Variants in RASA3 observed in about 807,000 individuals in gnomAD.
RASA3 encodes RAS p21 protein activator 3.
RASA3 carries 73 observed loss-of-function variants against 110.0 expected under a neutral mutation model. The ratio of observed to expected loss-of-function variants is 0.66; its 90% CI spans 0.55 to 0.81. RASA3 has a LOEUF of 0.81. Among genes scored for constraint, RASA3 ranks in the 30% least tolerant of loss-of-function variants. RASA3 has a pLI of 0.00. For synonymous variants in RASA3, 500 were observed against 451.4 expected (o/e 1.11, Z -1.37); for missense variants, 976 against 1,113.2 (o/e 0.88, Z 1.75).
chr13:114,064,282 A>G (rs1482111450), intron 2 of RASA3, among the ~76,000 whole-genome samples: 1 of 152,092 alleles, frequency 6.6e-6, no homozygotes, highest in Admixed American at 6.5e-5. Flanking sequence ...CCTACGCCCC[A>G]TGTCCTCCCA....
At chr13:114,029,996 C>T (rs954972077) in intron 4 of RASA3, 109 bp from the exon 5 acceptor site, 1 of 1,025,784 alleles carries the variant, frequency 9.7e-7, no homozygotes, top group East Asian at 2.6e-5. Flanking sequence ...GGCGGCCCCG[C>T]CCTGCCCTGG....
At chr13:114,075,937 C>T (rs1299370106) in intron 1 of RASA3, among the ~76,000 whole-genome samples, 4 of 108,564 alleles carry the variant, frequency 3.7e-5, no homozygotes, top group Non-Finnish European at 7.8e-5. Context: ...CGAAGCCTCC[C>T]GTGTCGGCGC....
chr13:114,041,128 C>G, intron 3 of RASA3, 34 bp from the exon 4 acceptor site: 1 of 1,586,292 alleles, frequency 6.3e-7, no homozygotes, highest in South Asian at 1.1e-5. Context: ...TCACCACGGG[C>G]ACAGGCCCCA....
intron 1 of RASA3, among the ~76,000 whole-genome samples, chr13:114,109,257 G>A (rs1005046889): frequency 3.3e-5 from 5 of 152,262 alleles, no homozygotes; most frequent in East Asian, 1.9e-4. Flanking sequence ...TTGTGTGAAC[G>A]GCGACCACGT....
chr13:114,041,001 T>C lies in RASA3; in HGVS notation c.371A>G (p.Gln124Arg). The C allele has an allele frequency of 6.2e-7, 1 of 1,613,518 alleles. No individual in the cohort carries two copies. Among genetic ancestry groups the C allele is most frequent in the Non-Finnish European group, 8.5e-7 (1 of 1,179,984 alleles). ...LQHVDADSEV[Q>R]GKVHLELRLS... ...CCGGGGCTGCGCCGAGAGTCTCACC[T>C]GCACTTCCGAGTCAGCGTCCACGTG... The change falls in exon 4 of 24, where the codon CAG becomes CGG. Residue 124 changes from glutamine to arginine, a missense_variant and splice_region_variant. By Grantham distance (43) the Gln-to-Arg change is conservative. This residue lies in a region of RASA3 where 732 missense variants were observed against 779.7 expected (regional missense o/e 0.94). Transcript: ENST00000334062.
intron 1 of RASA3, among the ~76,000 whole-genome samples, chr13:114,080,380 C>T (rs2079764277): frequency 6.6e-6 from 1 of 152,172 alleles, no homozygotes; most frequent in Non-Finnish European, 1.5e-5. Context: ...GGTGACACCA[C>T]CTGCCCAGGG....
chr13:114,061,453 G>C (rs569182527), intron 2 of RASA3, among the ~76,000 whole-genome samples: 1 of 152,046 alleles, frequency 6.6e-6, no homozygotes, highest in East Asian at 1.9e-4. Context: ...GGTGGATCAT[G>C]AGGTCAAGAG....
intron 4 of RASA3, among the ~76,000 whole-genome samples, 197 bp downstream of exon 4, chr13:114,040,803 C>T (rs932629845): frequency 6.6e-6 from 1 of 151,698 alleles, no homozygotes; most frequent in African/African-American, 2.4e-5. Flanking sequence ...AGCAGGCGAA[C>T]ACGCACAACC....
intron 17 of RASA3, among the ~76,000 whole-genome samples, chr13:114,007,880 C>T (rs998505148): frequency 6.6e-6 from 1 of 152,262 alleles, no homozygotes; most frequent in African/African-American, 2.4e-5. Flanking sequence ...CCAGGGGTGA[C>T]TCTAAGCAGG....
intron 1 of RASA3, among the ~76,000 whole-genome samples, chr13:114,113,989 C>T (rs1414391872): frequency 2.9e-5 from 4 of 138,904 alleles, no homozygotes; most frequent in Admixed American, 2.2e-4. Flanking sequence ...GAGTGATGTC[C>T]GTACAGCTCA....
At chr13:114,033,851 G>A (rs9525338) in intron 4 of RASA3, among the ~76,000 whole-genome samples, 3,573 of 152,334 alleles carry the variant, frequency 0.023, 157 homozygotes, top group East Asian at 0.2. Flanking sequence ...GGTCCTGAGG[G>A]GCCACAAGGA....
chr13:114,012,721 T>TCCACACACACTCCCCAC (rs2053665415), intron 15 of RASA3, among the ~76,000 whole-genome samples: 1 of 86,598 alleles, frequency 1.2e-5, no homozygotes, highest in African/African-American at 4.3e-5. Flanking sequence ...ACACTCCCCA[T>TCCACACACACTCCCCAC]TCCACACACA....
chr13:114,127,167 G>A (rs573143043), intron 1 of RASA3, among the ~76,000 whole-genome samples: 4 of 152,220 alleles, frequency 2.6e-5, no homozygotes, highest in Non-Finnish European at 5.9e-5. Flanking sequence ...GCGCCTGCGC[G>A]GTTCACACGC....
rs762657107 is a variant in RASA3 at position 114,011,137 on chromosome 13, C to T, written c.1590+34G>A. 1.9e-5 allele frequency: 30 copies of T among 1,541,966 alleles called. No individual in the cohort carries two copies. The South Asian group carries it at 2.8e-4, about 15-fold the overall frequency. On this transcript the variant is annotated intron_variant, in intron 16 of 23. Transcript: ENST00000334062. The surrounding 1 kb of genome is among the most constrained non-coding windows in gnomAD (Gnocchi z 4.8). ...CTGAAGAGAGAAAAGAATCAGTTGT[C>T]CCTAAAAAGAGAAAATGAAGAAGAG...
rs1297256827 is a variant in RASA3 at position 113,978,307 on chromosome 13, A to C, written c.*1040T>G. 1 of 152,086 alleles carries C rather than the reference A, an allele frequency of 6.6e-6. No homozygotes were observed. Among genetic ancestry groups the C allele is most frequent in the African/African-American group, 2.4e-5 (1 of 41,368 alleles). 9.4% of individuals were successfully genotyped at this position (152,086 alleles called of 1,614,324 possible). ...GCACCCCGAAGCCCCTGTACCTCAA[A>C]CTCAGAGTTTCTTCCCTTCTTTGAT... On this transcript the variant is annotated 3_prime_UTR_variant, in exon 24 of 24. Coordinates refer to ENST00000334062, the MANE Select transcript of RASA3 (RefSeq NM_007368.4).
At chr13:114,003,687 G>A (rs2053454004) in intron 18 of RASA3, among the ~76,000 whole-genome samples, 1 of 152,160 alleles carries the variant, frequency 6.6e-6, no homozygotes, top group African/African-American at 2.4e-5. Context: ...CAAGGCAATT[G>A]TGTTAGACGT....
chr13:114,097,272 C>A (rs928599035), intron 1 of RASA3, among the ~76,000 whole-genome samples: 1 of 152,168 alleles, frequency 6.6e-6, no homozygotes, highest in Non-Finnish European at 1.5e-5. Flanking sequence ...AATAAAATAC[C>A]CTGCAGATAA....
At chr13:114,109,494 A>T (rs1234390662) in intron 1 of RASA3, among the ~76,000 whole-genome samples, 1 of 152,188 alleles carries the variant, frequency 6.6e-6, no homozygotes, top group African/African-American at 2.4e-5. Context: ...AAAAACACCG[A>T]CCAACATTTA....
At chr13:114,044,872 C>T (rs1479617558) in intron 3 of RASA3, among the ~76,000 whole-genome samples, 1 of 151,954 alleles carries the variant, frequency 6.6e-6, no homozygotes. Flanking sequence ...GAAACTGGGA[C>T]GGGAGAAGTC....
Sources: allele counts gnomAD v4.1 joint callset (sites outside exome capture counted in the v4.1 genomes callset), GRCh38; gene constraint gnomAD v4.1.1; regional missense constraint gnomAD v4.1.1; non-coding constraint Gnocchi (gnomAD v3.1); transcripts MANE v1.5; gene names NCBI Gene and HGNC (gene_info 2026-07-23, HGNC 2026-07-21).